PCDH15: variants seen among roughly 807,000 people sequenced by gnomAD.
The protein encoded by PCDH15 is protocadherin-15.
PCDH15 carries 129 observed loss-of-function variants against 178.5 expected under a neutral mutation model. The ratio of observed to expected loss-of-function variants is 0.72; its 90% CI spans 0.63 to 0.84. The LOEUF (loss-of-function observed/expected upper bound fraction) is 0.84, where lower values mean the gene tolerates loss of function less well. PCDH15 is among the 40% of genes least tolerant of loss of function. The pLI is 0.00. For synonymous variants in PCDH15, 800 were observed against 732.0 expected, an observed-to-expected ratio of 1.09 and a Z score of -1.50; for missense variants, 2,230 against 2,099.9, an observed-to-expected ratio of 1.06 and a Z score of -1.21.
intron 2 of PCDH15, among the ~76,000 whole-genome samples, chr10:55,594,018 GT>G (rs986338604): frequency 4.2e-4 from 63 of 151,768 alleles, no homozygotes; most frequent in African/African-American, 1.5e-3. Flanking sequence ...GAGTGCTTGT[GT>G]CCTAAACTGA....
chr10:54,017,800 T>C (rs183691439), intron 20 of PCDH15, among the ~76,000 whole-genome samples: 89 of 152,118 alleles, frequency 5.9e-4, no homozygotes, highest in South Asian at 1.7e-3. Flanking sequence ...AAATAAAATA[T>C]GAAAATGTAA....
At chr10:55,271,835 C>T (rs1842452271) in intron 1 of PCDH15, among the ~76,000 whole-genome samples, 1 of 152,092 alleles carries the variant, frequency 6.6e-6, no homozygotes, top group Non-Finnish European at 1.5e-5. Flanking sequence ...GCCTATCAAA[C>T]ATTTTCCCAC....
chr10:54,866,211 A>G (rs1212733617), intron 3 of PCDH15, among the ~76,000 whole-genome samples: 1 of 152,214 alleles, frequency 6.6e-6, no homozygotes, highest in Non-Finnish European at 1.5e-5. Flanking sequence ...ATTCAAAGGA[A>G]TGTTATTATT....
rs185048037 is a variant in PCDH15 at position 55,391,627 on chromosome 10, C to G, written c.-155-224976G>C. On this transcript the variant is annotated intron_variant, in intron 2 of 5. Coordinates refer to the PCDH15 transcript ENST00000613346. ...TCAGCCTCCTGAGTAGTGGGGATTA[C>G]AGGCATGCACCACCACACCCGCCTA... Among the ~76,000 whole-genome samples the G allele has an allele frequency of 3.7e-4, 56 of 152,088 alleles. No homozygotes were observed. The East Asian group carries it at 7.6e-3, about 21-fold the overall frequency.
At chr10:54,124,670 G>A (rs73239962) in intron 15 of PCDH15, among the ~76,000 whole-genome samples, 4,502 of 152,168 alleles carry the variant, frequency 0.03, 239 homozygotes, top group African/African-American at 0.1. Flanking sequence ...TAAATTTTAC[G>A]ATGCAGTGCC....
chr10:55,192,436 C>T (rs373552190), intron 1 of PCDH15, among the ~76,000 whole-genome samples: 30 of 151,700 alleles, frequency 2.0e-4, no homozygotes, highest in African/African-American at 6.8e-4. Context: ...ATATTCCACA[C>T]GGAGGAAACC....
At chr10:53,866,537 T>C in intron 27 of PCDH15, 105 bp downstream of exon 27, 1 of 826,112 alleles carries the variant, frequency 1.2e-6, no homozygotes, top group South Asian at 1.4e-5. Flanking sequence ...AATTATGTTT[T>C]TGAAAACCCG....
At chr10:54,874,971 C>A (rs1008609408) in intron 3 of PCDH15, among the ~76,000 whole-genome samples, 2 of 152,074 alleles carry the variant, frequency 1.3e-5, no homozygotes, top group Non-Finnish European at 2.9e-5. Flanking sequence ...TTGCAAATAG[C>A]AAATTGATTA....
At chr10:55,341,486 G>T (rs1196201332) in intron 2 of PCDH15, among the ~76,000 whole-genome samples, 5 of 151,050 alleles carry the variant, frequency 3.3e-5, no homozygotes, top group Non-Finnish European at 5.9e-5. Context: ...TATTCTAAAT[G>T]CTTTGCATGT....
chr10:54,862,613 T>C (rs1435628736), intron 3 of PCDH15, among the ~76,000 whole-genome samples: 2 of 152,152 alleles, frequency 1.3e-5, no homozygotes, highest in Admixed American at 1.3e-4. Flanking sequence ...CCCTCATGAA[T>C]AGATTCAGGC....
intron 2 of PCDH15, among the ~76,000 whole-genome samples, chr10:55,074,988 C>T (rs1253349182): frequency 6.6e-6 from 1 of 152,094 alleles, no homozygotes; most frequent in Non-Finnish European, 1.5e-5. Flanking sequence ...TTCCCTATTG[C>T]TTGTTTTAGT....
At chr10:55,525,280 A>T (rs995583668) in intron 2 of PCDH15, among the ~76,000 whole-genome samples, 1 of 151,884 alleles carries the variant, frequency 6.6e-6, no homozygotes, top group Non-Finnish European at 1.5e-5. Flanking sequence ...ATTTAGAAAA[A>T]CAAATGGCTT....
intron 1 of PCDH15, among the ~76,000 whole-genome samples, chr10:54,756,631 C>G (rs918092549): frequency 1.1e-4 from 16 of 152,210 alleles, no homozygotes; most frequent in African/African-American, 3.6e-4. Context: ...ACCCACCTGA[C>G]AAACTAGGAT....
At chr10:55,356,519 G>C (rs932044873) in intron 2 of PCDH15, among the ~76,000 whole-genome samples, 1 of 151,712 alleles carries the variant, frequency 6.6e-6, no homozygotes, top group Non-Finnish European at 1.5e-5. Flanking sequence ...GAATCAGAGG[G>C]ATGATAAAAA....
At chr10:54,188,737 C>T (rs1430048245) in intron 11 of PCDH15, among the ~76,000 whole-genome samples, 1 of 151,864 alleles carries the variant, frequency 6.6e-6, no homozygotes, top group African/African-American at 2.4e-5. Flanking sequence ...TGAGAGTCTA[C>T]TGTTTAAACA....
chr10:55,387,547 C>G (rs1837692534), intron 2 of PCDH15, among the ~76,000 whole-genome samples: 1 of 152,058 alleles, frequency 6.6e-6, no homozygotes, highest in Non-Finnish European at 1.5e-5. Flanking sequence ...TAATTCCATA[C>G]AGATAAAGAG....
intron 13 of PCDH15, among the ~76,000 whole-genome samples, chr10:54,169,538 A>G (rs1299246613): frequency 1.4e-4 from 21 of 146,854 alleles, no homozygotes; most frequent in East Asian, 5.9e-4. Flanking sequence ...TAACTAAATT[A>G]TCTGCTTCCC....
At chr10:54,821,328 A>G (rs1953035710) in intron 3 of PCDH15, among the ~76,000 whole-genome samples, 1 of 152,146 alleles carries the variant, frequency 6.6e-6, no homozygotes, top group East Asian at 1.9e-4. Context: ...TGACCCAACT[A>G]TGTACATTAG....
chr10:55,562,088 C>T (rs367551050), intron 2 of PCDH15, among the ~76,000 whole-genome samples: 16 of 151,990 alleles, frequency 1.1e-4, no homozygotes, highest in African/African-American at 3.1e-4. Flanking sequence ...TGTCTGTACA[C>T]GTTGTCTCAA....
Sources: allele counts gnomAD v4.1 joint callset (sites outside exome capture counted in the v4.1 genomes callset), GRCh38; gene constraint gnomAD v4.1.1; transcripts MANE v1.5; gene names NCBI Gene and HGNC (gene_info 2026-07-23, HGNC 2026-07-21).